Variants in DNM3 observed in about 807,000 individuals in gnomAD.
DNM3 encodes the protein dynamin-3.
In DNM3, 47 loss-of-function variants were observed where a neutral mutation model predicts 101.6. That is an observed-to-expected ratio of 0.46 (90% CI 0.37 to 0.59). DNM3 has a LOEUF of 0.59. Among genes scored for constraint, DNM3 ranks in the 20% least tolerant of loss-of-function variants. DNM3 has a pLI of 0.00. For synonymous variants in DNM3, 385 were observed against 387.9 expected (o/e 0.99, Z 0.09); for missense variants, 849 against 1,085.7 (o/e 0.78, Z 3.06).
chr1:172,318,254 T>C (rs2065494747), intron 16 of DNM3, among the ~76,000 whole-genome samples: 1 of 152,086 alleles, frequency 6.6e-6, no homozygotes, highest in South Asian at 2.1e-4. Context: ...ATAAGAGCTA[T>C]CTATGACAAA....
intron 1 of DNM3, among the ~76,000 whole-genome samples, chr1:171,904,932 A>G (rs2038693330): frequency 6.6e-6 from 1 of 152,200 alleles, no homozygotes; most frequent in Admixed American, 6.5e-5. Context: ...ATTGCGCTGG[A>G]CAAGTGACTA....
intron 14 of DNM3, among the ~76,000 whole-genome samples, chr1:172,237,279 G>A (rs2061580609): frequency 6.6e-6 from 1 of 151,844 alleles, no homozygotes; most frequent in African/African-American, 2.4e-5. Flanking sequence ...TGAACTTAAG[G>A]ATTGAGGTTA....
intron 1 of DNM3, among the ~76,000 whole-genome samples, chr1:171,891,709 C>T (rs184371962): frequency 3.9e-5 from 6 of 152,242 alleles, no homozygotes; most frequent in South Asian, 2.1e-4. Flanking sequence ...GTTTTTCTCA[C>T]GGAGTTATGT....
intron 1 of DNM3, among the ~76,000 whole-genome samples, chr1:171,885,658 A>T (rs1266988490): frequency 6.6e-6 from 1 of 152,148 alleles, no homozygotes; most frequent in East Asian, 1.9e-4. Flanking sequence ...GACAGGGGAT[A>T]TGCCCACCTA....
At chr1:172,153,173 T>C (rs1010855794) in intron 14 of DNM3, among the ~76,000 whole-genome samples, 1 of 152,106 alleles carries the variant, frequency 6.6e-6, no homozygotes, top group African/African-American at 2.4e-5. Flanking sequence ...TGTCAAATGG[T>C]GTAAAGAAAG....
At chr1:172,166,733 C>G (rs908813972) in intron 14 of DNM3, among the ~76,000 whole-genome samples, 21 of 102,140 alleles carry the variant, frequency 2.1e-4, no homozygotes, top group South Asian at 2.8e-4. Context: ...TCATTTTAAT[C>G]TCATTTTTTT....
At position 172,363,820 on chromosome 1, in the gene DNM3, C is replaced by G. The variant is rs866932662; in HGVS notation, c.1894-15198C>G. 4.6e-5 allele frequency among the ~76,000 whole-genome samples: 7 copies of G among 151,832 alleles called. 1 individual carries two copies. Among genetic ancestry groups the G allele is most frequent in the Middle Eastern group, 6.3e-3 (2 of 316 alleles). On this transcript the variant is annotated intron_variant, in intron 17 of 20. Coordinates refer to ENST00000627582, the MANE Select transcript of DNM3 (RefSeq NM_015569.5). ...CAATATATTTGTTACCATGTCCTCC[C>G]CAGTATTTTCCCTAACACATCAAAC...
At chr1:172,002,442 A>G (rs2046411672) in intron 4 of DNM3, among the ~76,000 whole-genome samples, 1 of 152,098 alleles carries the variant, frequency 6.6e-6, no homozygotes, top group African/African-American at 2.4e-5. Flanking sequence ...TGTTCTTTTA[A>G]ATTGAGAATT....
chr1:172,006,028 T>C (rs771359896), intron 4 of DNM3, among the ~76,000 whole-genome samples: 19 of 152,070 alleles, frequency 1.2e-4, no homozygotes, highest in Non-Finnish European at 2.5e-4. Flanking sequence ...TAATATGAGG[T>C]ATGTGTTCAG....
intron 1 of DNM3, among the ~76,000 whole-genome samples, chr1:171,889,817 G>A (rs1049642199): frequency 3.9e-5 from 6 of 152,184 alleles, no homozygotes; most frequent in African/African-American, 1.4e-4. Flanking sequence ...AGCAGAGACC[G>A]ACTGAACAGT....
At chr1:171,968,675 T>C (rs2043769202) in intron 2 of DNM3, among the ~76,000 whole-genome samples, 1 of 152,176 alleles carries the variant, frequency 6.6e-6, no homozygotes, top group African/African-American at 2.4e-5. Context: ...TTGGGCTTAG[T>C]GCAGGAGCTC....
intron 2 of DNM3, among the ~76,000 whole-genome samples, chr1:171,923,960 T>A (rs753800202): frequency 6.6e-6 from 1 of 152,156 alleles, no homozygotes; most frequent in Admixed American, 6.5e-5. Flanking sequence ...CTGTTATTTC[T>A]CTTAGAATAA....
At chr1:172,067,616 CA>C (rs2051793601) in intron 10 of DNM3, among the ~76,000 whole-genome samples, 8 of 152,174 alleles carry the variant, frequency 5.3e-5, no homozygotes, top group Admixed American at 5.2e-4. Flanking sequence ...CATTCTCACA[CA>C]CCTTTGCCTG....
intron 10 of DNM3, among the ~76,000 whole-genome samples, chr1:172,056,934 T>C (rs915676753): frequency 1.3e-4 from 20 of 151,882 alleles, no homozygotes; most frequent in Non-Finnish European, 2.9e-5. Flanking sequence ...GCAAAGAAGT[T>C]GAAAACTTTG....
intron 14 of DNM3, among the ~76,000 whole-genome samples, chr1:172,246,181 T>C (rs2061946339): frequency 1.3e-5 from 2 of 152,086 alleles, no homozygotes; most frequent in Non-Finnish European, 2.9e-5. Context: ...TCCTCCAACA[T>C]TGGGAATTAC....
intron 2 of DNM3, among the ~76,000 whole-genome samples, chr1:171,967,110 G>A (rs2043644132): frequency 6.6e-6 from 1 of 152,098 alleles, no homozygotes. Flanking sequence ...GTTTGTCTTA[G>A]TTGACAAAAG....
At chr1:171,934,926 C>T in intron 2 of DNM3, among the ~76,000 whole-genome samples, 1 of 152,122 alleles carries the variant, frequency 6.6e-6, no homozygotes, top group East Asian at 1.9e-4. Context: ...ACAAAATCTT[C>T]TGGGATAGAT....
intron 2 of DNM3, among the ~76,000 whole-genome samples, chr1:171,960,867 T>G (rs1166634769): frequency 1.3e-5 from 2 of 152,120 alleles, no homozygotes; most frequent in East Asian, 3.8e-4. Flanking sequence ...GAGCAGGAAG[T>G]AAGGAAGTGC....
At chr1:171,913,705 C>T (rs1206119105) in intron 1 of DNM3, among the ~76,000 whole-genome samples, 1 of 152,078 alleles carries the variant, frequency 6.6e-6, no homozygotes, top group African/African-American at 2.4e-5. Flanking sequence ...CTTTCTTTTG[C>T]CTGTTTCCCT....
Sources: allele counts gnomAD v4.1 joint callset (sites outside exome capture counted in the v4.1 genomes callset), GRCh38; gene constraint gnomAD v4.1.1; transcripts MANE v1.5; gene names NCBI Gene and HGNC (gene_info 2026-07-23, HGNC 2026-07-21).